AUTS2: variants seen among roughly 807,000 people sequenced by gnomAD.
AUTS2 encodes the protein autism susceptibility gene 2 protein.
In AUTS2, 17 loss-of-function variants were observed where a neutral mutation model predicts 112.4. That is an observed-to-expected ratio of 0.15 (90% CI 0.10 to 0.23). The LOEUF (loss-of-function observed/expected upper bound fraction) is 0.23. AUTS2 is among the 10% of genes least tolerant of loss of function. AUTS2 has a pLI of 1.00. For missense variants in AUTS2, 1,510 were observed against 1,701.6 expected (o/e 0.89, Z 1.98); for synonymous variants, 751 against 702.7 (o/e 1.07, Z -1.09).
chr7:70,333,146 G>A (rs866526229), intron 4 of AUTS2, among the ~76,000 whole-genome samples: 17 of 152,192 alleles, frequency 1.1e-4, no homozygotes, highest in East Asian at 9.7e-4. Flanking sequence ...AAAAGTGGGC[G>A]AAGGATCTGA....
Position 70,234,361 on chromosome 7 carries a change from A to C in AUTS2, c.660+99790A>C, listed in dbSNP as rs553705137. ...ACGTTTCTCTTCACTTCCTTATGAA[A>C]AGTTTCTCAACTCTTCTCTCAGTAT... On this transcript the variant is annotated intron_variant, in intron 4 of 18. Coordinates refer to ENST00000342771, the MANE Select transcript of AUTS2 (RefSeq NM_015570.4). Among the ~76,000 whole-genome samples the C allele has an allele frequency of 1.7e-3, 263 of 152,242 alleles. 1 individual carries two copies. The highest frequency in any genetic ancestry group is 6.0e-3 in the African/African-American group (250 of 41,534).
chr7:70,529,221 A>G (rs879699797), intron 5 of AUTS2, among the ~76,000 whole-genome samples: 4 of 152,256 alleles, frequency 2.6e-5, no homozygotes, highest in Non-Finnish European at 5.9e-5. Context: ...ACCATGCTGG[A>G]AAAATGGAAT....
chr7:70,627,011 T>C (rs1287960805), intron 5 of AUTS2, among the ~76,000 whole-genome samples: 1 of 152,198 alleles, frequency 6.6e-6, no homozygotes, highest in East Asian at 1.9e-4. Flanking sequence ...GACCATTTAT[T>C]TTCTTTTGGA....
chr7:70,700,683 C>T (rs1011705025), intron 6 of AUTS2, among the ~76,000 whole-genome samples: 7 of 152,124 alleles, frequency 4.6e-5, no homozygotes, highest in African/African-American at 1.7e-4. Context: ...AGGAAAACAA[C>T]TTCAAAAAGG....
intron 4 of AUTS2, among the ~76,000 whole-genome samples, chr7:70,336,162 T>TTTG (rs1227584842): frequency 6.6e-6 from 1 of 152,194 alleles, no homozygotes; most frequent in African/African-American, 2.4e-5. Context: ...AAATAATTGG[T>TTTG]TTGTTAACAG....
At chr7:70,457,454 T>C (rs2131151254) in intron 5 of AUTS2, among the ~76,000 whole-genome samples, 1 of 152,272 alleles carries the variant, frequency 6.6e-6, no homozygotes, top group Non-Finnish European at 1.5e-5. Context: ...ACAGTGCCTC[T>C]CACCTGAGGA....
intron 4 of AUTS2, among the ~76,000 whole-genome samples, chr7:70,284,057 G>C (rs192304247): frequency 6.6e-6 from 1 of 151,878 alleles, no homozygotes; most frequent in African/African-American, 2.4e-5. Flanking sequence ...ATTTTGTTTT[G>C]TCATTATAAA....
At chr7:69,808,943 A>G (rs1344720746) in intron 1 of AUTS2, among the ~76,000 whole-genome samples, 1 of 152,118 alleles carries the variant, frequency 6.6e-6, no homozygotes, top group Non-Finnish European at 1.5e-5. Flanking sequence ...CCTGGACATC[A>G]CACCCTTTTG....
chr7:70,357,421 C>A (rs80261561), intron 4 of AUTS2, among the ~76,000 whole-genome samples: 3 of 152,252 alleles, frequency 2.0e-5, no homozygotes, highest in Admixed American at 2.0e-4. Context: ...CATCTTTGTA[C>A]GTTTTCTGGG....
chr7:70,582,925 G>C (rs1198828637), intron 5 of AUTS2, among the ~76,000 whole-genome samples: 1 of 152,174 alleles, frequency 6.6e-6, no homozygotes, highest in Admixed American at 6.5e-5. Context: ...AGTATGTCTA[G>C]ACAATTTTTT....
At chr7:70,421,272 T>G (rs2130683358) in intron 4 of AUTS2, among the ~76,000 whole-genome samples, 1 of 152,058 alleles carries the variant, frequency 6.6e-6, no homozygotes, top group African/African-American at 2.4e-5. Context: ...TTCTTTTCTC[T>G]CATCCCCCCC....
chr7:70,706,655 G>C (rs1261944247), intron 6 of AUTS2, among the ~76,000 whole-genome samples: 1 of 152,198 alleles, frequency 6.6e-6, no homozygotes, highest in African/African-American at 2.4e-5. Context: ...TTTGGTTGGA[G>C]TTTATATTAA....
rs560150982 is a variant in AUTS2, at chr7:69,893,936, A to G, written c.310-5350A>G. Among the ~76,000 whole-genome samples the G allele has an allele frequency of 4.6e-5, 7 of 152,324 alleles. 1 individual carries two copies. In the East Asian group the frequency reaches 1.4e-3, roughly 29 times the overall value. ...GAAGATTGTAATTTGGGAGAAGGGA[A>G]AGTCAAGAGCAAGATCGCCTATTTT... On this transcript the variant is annotated intron_variant, in intron 1 of 18. Coordinates refer to ENST00000342771, the MANE Select transcript of AUTS2 (RefSeq NM_015570.4).
At chr7:70,048,470 C>A (rs1209865649) in intron 2 of AUTS2, among the ~76,000 whole-genome samples, 1 of 152,184 alleles carries the variant, frequency 6.6e-6, no homozygotes, top group African/African-American at 2.4e-5. Context: ...TTATCACTTG[C>A]CTTTCACTCA....
chr7:69,826,273 T>C (rs552783898), intron 1 of AUTS2, among the ~76,000 whole-genome samples: 1 of 152,330 alleles, frequency 6.6e-6, no homozygotes, highest in Non-Finnish European at 1.5e-5. Context: ...CTCACACGGC[T>C]GTGGACTGGC....
intron 1 of AUTS2, among the ~76,000 whole-genome samples, chr7:69,637,042 G>A (rs1321140173): frequency 6.6e-6 from 1 of 152,194 alleles, no homozygotes; most frequent in East Asian, 1.9e-4. Flanking sequence ...TGGGATTACA[G>A]GTGTGAGCCA....
intron 2 of AUTS2, among the ~76,000 whole-genome samples, chr7:69,980,981 A>C (rs1462598470): frequency 6.6e-6 from 1 of 152,234 alleles, no homozygotes; most frequent in African/African-American, 2.4e-5. Flanking sequence ...ATACATGAAT[A>C]ATTGGAATGC....
intron 1 of AUTS2, among the ~76,000 whole-genome samples, chr7:69,888,799 C>T (rs1401279412): frequency 6.6e-6 from 1 of 151,904 alleles, no homozygotes; most frequent in Non-Finnish European, 1.5e-5. Flanking sequence ...GTCTCGAACT[C>T]CTGAGCTCAG....
intron 4 of AUTS2, among the ~76,000 whole-genome samples, chr7:70,191,575 G>T (rs759194956): frequency 2.0e-5 from 3 of 152,172 alleles, no homozygotes; most frequent in Non-Finnish European, 4.4e-5. Flanking sequence ...TGCATTGCAG[G>T]AATGTGCGTA....
Sources: allele counts gnomAD v4.1 joint callset (sites outside exome capture counted in the v4.1 genomes callset), GRCh38; gene constraint gnomAD v4.1.1; transcripts MANE v1.5; gene names NCBI Gene and HGNC (gene_info 2026-07-23, HGNC 2026-07-21).